Variants in XDH observed in about 807,000 individuals in gnomAD.
The protein encoded by XDH is xanthine dehydrogenase, also known as xanthine dehydrogenase/oxidase.
In XDH, 138 loss-of-function variants were observed where a neutral mutation model predicts 156.1. The observed-to-expected ratio is 0.88, with a 90% CI of 0.77 to 1.02. The LOEUF is 1.02. Among genes scored for constraint, XDH ranks in the 50% least tolerant of loss-of-function variants. The pLI, the probability that XDH is intolerant of heterozygous loss-of-function variation, is 0.00. For synonymous variants in XDH, 669 were observed against 625.7 expected, an observed-to-expected ratio of 1.07 and a Z score of -1.03; for missense variants, 1,849 against 1,684.9, an observed-to-expected ratio of 1.10 and a Z score of -1.71.
At chr2:31,343,619 A>G (rs1376291117) in intron 31 of XDH, among the ~76,000 whole-genome samples, 2 of 129,094 alleles carry the variant, frequency 1.5e-5, no homozygotes, top group African/African-American at 2.9e-5. Flanking sequence ...ATGTTCATAT[A>G]TATGGCATAG....
intron 5 of XDH, 86 bp from the exon 6 acceptor site, chr2:31,397,815 G>C: frequency 2.0e-6 from 3 of 1,490,600 alleles, no homozygotes; most frequent in Non-Finnish European, 2.8e-6. Context: ...ACTAAGTTGG[G>C]TGCTCTCTTT....
At chr2:31,359,194 T>TA (rs1685709435) in intron 24 of XDH, among the ~76,000 whole-genome samples, 3 of 152,168 alleles carry the variant, frequency 2.0e-5, no homozygotes, top group Non-Finnish European at 4.4e-5. Flanking sequence ...GATTGGAATA[T>TA]AAAATGGTGT....
intron 6 of XDH, among the ~76,000 whole-genome samples, chr2:31,394,410 GT>G (rs1686849291): frequency 6.6e-6 from 1 of 152,102 alleles, no homozygotes; most frequent in Non-Finnish European, 1.5e-5. Flanking sequence ...TCTTCTATAG[GT>G]GAGGGGTGTT....
intron 2 of XDH, among the ~76,000 whole-genome samples, chr2:31,404,120 G>A (rs1321637547): frequency 6.6e-6 from 1 of 152,080 alleles, no homozygotes; most frequent in Non-Finnish European, 1.5e-5. Context: ...GGTAACGTGG[G>A]CCACACAAGA....
chr2:31,364,475 C>G (rs1445815510), intron 23 of XDH, among the ~76,000 whole-genome samples: 1 of 151,918 alleles, frequency 6.6e-6, no homozygotes, highest in Non-Finnish European at 1.5e-5. Context: ...CCTGGAAGCC[C>G]TTGTCCCCAC....
At chr2:31,379,335 C>T (rs899349516) in intron 13 of XDH, among the ~76,000 whole-genome samples, 4 of 152,286 alleles carry the variant, frequency 2.6e-5, no homozygotes, top group Admixed American at 1.3e-4. Flanking sequence ...CTAAGGTCAG[C>T]GTATGAGGGT....
chr2:31,411,424 GA>G (rs2148014882), intron 1 of XDH, among the ~76,000 whole-genome samples: 1 of 151,684 alleles, frequency 6.6e-6, no homozygotes, highest in South Asian at 2.1e-4. Context: ...TTAATATATA[GA>G]ATTATTTACG....
chr2:31,379,871 C>A lies in XDH; in HGVS notation c.1238G>T (p.Arg413Met), dbSNP rs1369311330. The A allele has an allele frequency of 1.2e-6, 2 of 1,614,016 alleles. No homozygotes were observed. Among genetic ancestry groups the A allele is most frequent in the Non-Finnish European group, 1.7e-6 (2 of 1,179,972 alleles). Reference sequence around the variant, plus strand: ...GAACCACTTCCAACATCTCACCTCCCTGCTGTAGGGGATCTCTATGGAGAG... The same window carrying A: ...GAACCACTTCCAACATCTCACCTCCATGCTGTAGGGGATCTCTATGGAGAG... ...ILLSIEIPYS[R>M]EGEYFSAFKQ... Residue 413 changes from arginine (R) to methionine (M), a missense_variant, in exon 13 of 36, where the codon AGG becomes ATG. Arg to Met is a moderately conservative substitution (Grantham distance 91). Coordinates refer to ENST00000379416, the MANE Select transcript of XDH (RefSeq NM_000379.4).
intron 20 of XDH, among the ~76,000 whole-genome samples, chr2:31,367,475 T>A (rs1264347090): frequency 6.6e-6 from 1 of 152,058 alleles, no homozygotes; most frequent in Non-Finnish European, 1.5e-5. Context: ...AAAAAACAGT[T>A]CCAAAAGAGG....
chr2:31,397,673 CA>C lies in XDH; in HGVS notation c.489del (p.Phe163LeufsTer19). ...YRPILQGFRT[F>X]ARDGGCCGGD... ...GTTCTGGGGTCCCCACTTACCCTGG[CA>C]AAGGTCCGGAAGCCCTGGAGGATGG... On this transcript the variant is annotated frameshift_variant, in exon 6 of 36. Transcript: ENST00000379416. LOFTEE classifies it high-confidence loss of function. 1 of 1,614,192 alleles carries C rather than the reference CA, an allele frequency of 6.2e-7. No homozygotes were observed. Among genetic ancestry groups the C allele is most frequent in the Non-Finnish European group, 8.5e-7 (1 of 1,180,022 alleles).
intron 1 of XDH, among the ~76,000 whole-genome samples, chr2:31,406,343 C>T (rs1687191219): frequency 6.6e-6 from 1 of 152,154 alleles, no homozygotes; most frequent in Non-Finnish European, 1.5e-5. Flanking sequence ...CTCCTGGAGG[C>T]CTCCCCAGAA....
chr2:31,383,178 G>A (rs1311821436), intron 10 of XDH, 26 bp from the exon 11 acceptor site: 1 of 1,614,118 alleles, frequency 6.2e-7, no homozygotes, highest in East Asian at 2.2e-5. Flanking sequence ...CGGAATCACA[G>A]CAATTCTTCC....
In XDH at chr2:31,348,348, G is replaced by A. The variant is rs772861663; in HGVS notation, c.3067C>T (p.His1023Tyr). 6.2e-6 allele frequency: 10 copies of A among 1,614,192 alleles called. No individual in the cohort carries two copies. The highest frequency in any genetic ancestry group is 8.5e-6 in the Non-Finnish European group (10 of 1,180,028). ...PFLNQAGALL[H>Y]VYTDGSVLLT... Reference sequence around the variant, plus strand: ...AGCACAGAGCCATCTGTGTACACATGAAGTAGGGCTCCTGCCTAGGGAAAG... The same window carrying A: ...AGCACAGAGCCATCTGTGTACACATAAAGTAGGGCTCCTGCCTAGGGAAAG... Residue 1023 changes from histidine to tyrosine, a missense_variant, in exon 28 of 36, where the codon CAT becomes TAT. His to Tyr is a moderately conservative substitution (Grantham distance 83). Transcript: ENST00000379416.
intron 32 of XDH, among the ~76,000 whole-genome samples, chr2:31,341,653 A>G (rs1685128150): frequency 6.6e-6 from 1 of 152,084 alleles, no homozygotes; most frequent in Admixed American, 6.6e-5. Flanking sequence ...TGGGAATAAC[A>G]CACATTCATA....
Position 31,401,340 on chromosome 2 carries a change from G to T in XDH, c.198-12C>A. 1 of 1,613,734 alleles carries T rather than the reference G, an allele frequency of 6.2e-7. No homozygotes were observed. The highest frequency in any genetic ancestry group is 8.5e-7 in the Non-Finnish European group (1 of 1,179,792). Reference sequence around the variant, plus strand: ...TGGCAGAAAAGTGGCTAGAACCCCAGATTAAGGTCATTCCATTTATTGTCC... The same window carrying T: ...TGGCAGAAAAGTGGCTAGAACCCCATATTAAGGTCATTCCATTTATTGTCC... On this transcript the variant is annotated splice_polypyrimidine_tract_variant and intron_variant, in intron 3 of 35. Coordinates refer to ENST00000379416, the MANE Select transcript of XDH (RefSeq NM_000379.4).
chr2:31,368,132 G>C, intron 19 of XDH, 75 bp from the exon 20 acceptor site: 1 of 1,324,334 alleles, frequency 7.6e-7, no homozygotes, highest in Non-Finnish European at 1.1e-6. Context: ...TAGGGAAAGA[G>C]AAGCTCTCTG....
chr2:31,350,157 G>A lies in XDH; in HGVS notation c.2698C>T (p.Arg900Trp), dbSNP rs763704314. 1.7e-5 allele frequency: 27 copies of A among 1,614,178 alleles called. No homozygotes were observed. Among genetic ancestry groups the A allele is most frequent in the Non-Finnish European group, 1.9e-5 (22 of 1,180,032 alleles). Residue 900 changes from arginine (R) to tryptophan (W), a missense_variant, in exon 25 of 36, where the codon CGG (arginine) becomes TGG (tryptophan). Physicochemically the swap from Arg to Trp is moderately radical, Grantham distance 101. Transcript: ENST00000379416. ...YKIPNIRGTGRLCKTNLPSNT... is the reference protein window; with the variant it reads ...YKIPNIRGTGWLCKTNLPSNT... ...GAGGGAAGGTTGGTTTTGCACAGCC[G>A]CCCAGTGCCCCGGATGTTGGGGATT... is the stretch of plus-strand genomic sequence containing the variant.
intron 6 of XDH, among the ~76,000 whole-genome samples, chr2:31,396,723 G>T (rs1686915440): frequency 6.6e-6 from 1 of 152,122 alleles, no homozygotes; most frequent in African/African-American, 2.4e-5. Context: ...GCCTCAAATT[G>T]AACCCAGGTC....
At chr2:31,388,357 A>G (rs1315744649) in intron 6 of XDH, 62 bp from the exon 7 acceptor site, 2 of 1,563,452 alleles carry the variant, frequency 1.3e-6, no homozygotes, top group Non-Finnish European at 1.8e-6. Flanking sequence ...GAAGCTAAGG[A>G]ATCTAGATTA....
Sources: gnomAD v4.1 joint callset for allele counts (sites outside exome capture counted in the v4.1 genomes callset) on GRCh38, gnomAD v4.1.1 for gene constraint, MANE v1.5 for transcripts, NCBI Gene and HGNC (gene_info 2026-07-23, HGNC 2026-07-21) for gene names.